Variants in KLHL22 observed in about 807,000 individuals in gnomAD.
KLHL22 encodes the protein kelch like family member 22.
A neutral mutation model predicts 60.7 loss-of-function variants in KLHL22; 18 were observed. The ratio of observed to expected loss-of-function variants is 0.30; its 90% CI spans 0.20 to 0.44. The LOEUF is 0.44. Ranked by LOEUF, KLHL22 falls within the 20% of genes least tolerant of loss-of-function variation. KLHL22 has a pLI of 1.00. For synonymous variants in KLHL22, 355 were observed against 354.5 expected, an observed-to-expected ratio of 1.00 and a Z score of -0.01; for missense variants, 596 against 852.3, an observed-to-expected ratio of 0.70 and a Z score of 3.74.
At chr22:20,483,122 G>T in intron 2 of KLHL22, 1 of 639,424 alleles carries the variant, frequency 1.6e-6, no homozygotes, top group Non-Finnish European at 2.9e-6. Flanking sequence ...GGCATAGAAG[G>T]CCTCCACCTC....
chr22:20,493,278 A>G, intron 1 of KLHL22: 1 of 468,430 alleles, frequency 2.1e-6, no homozygotes, highest in South Asian at 1.6e-5. Flanking sequence ...AAGCACATTT[A>G]CCAAGTCCAA....
At position 20,481,389 on chromosome 22, in the gene KLHL22, T is replaced by A. The variant is rs184175066; in HGVS notation, c.227+7596A>T. 5.9e-5 allele frequency: 9 copies of A among 151,958 alleles called. No homozygotes were observed. In the East Asian group the frequency reaches 1.2e-3, roughly 20 times the overall value. 9.4% of individuals were successfully genotyped at this position (151,958 alleles called of 1,614,324 possible). ...GAGTTCAAGACCAGCCTGGCCGACA[T>A]GGTGAAACCCTGTCTCTTTCAAAAA... On this transcript the variant is annotated intron_variant, in intron 2 of 6. Transcript: ENST00000328879.
rs762199838 is a variant in KLHL22 at position 20,465,543 on chromosome 22, G to A, written c.427C>T (p.Leu143Phe). Residue 143 changes from leucine to phenylalanine, a missense_variant, in exon 4 of 7, where the codon CTC becomes TTC. Physicochemically the swap from Leu to Phe is conservative, Grantham distance 22 (BLOSUM62 0). Transcript: ENST00000328879. This position sits in a 1 kb window ranked among gnomAD's most constrained non-coding sequence, Gnocchi z 4.9. ...TTCTCTTCGTCCACCCAGGACATGA[G>A]GAAATCACAGCAGAAATGGATAATT... Reference protein sequence around the residue: ...PEIIHFCCDFLMSWVDEENIL... With the variant: ...PEIIHFCCDFFMSWVDEENIL... The A allele has an allele frequency of 5.6e-5, 89 of 1,588,382 alleles. No homozygotes were observed. The highest frequency in any genetic ancestry group is 7.5e-5 in the Non-Finnish European group (87 of 1,156,718).
At chr22:20,476,769 C>T (rs1457061733) in intron 2 of KLHL22, among the ~76,000 whole-genome samples, 8 of 147,038 alleles carry the variant, frequency 5.4e-5, no homozygotes, top group East Asian at 2.0e-4. Context: ...AGTGCAATGG[C>T]GCAATCTCGG....
chr22:20,475,050 TG>T (rs2053387800), intron 2 of KLHL22, among the ~76,000 whole-genome samples: 2 of 152,256 alleles, frequency 1.3e-5, no homozygotes, highest in Admixed American at 6.5e-5. Flanking sequence ...TTTTCTTTTC[TG>T]AACAGTTCAG....
At chr22:20,470,529 G>T (rs5994653) in intron 3 of KLHL22, among the ~76,000 whole-genome samples, 7,877 of 152,080 alleles carry the variant, frequency 0.052, 682 homozygotes, top group African/African-American at 0.18. Context: ...ATGCCTATAG[G>T]TCCTAGCTAT....
At chr22:20,485,525 G>A (rs1244736022) in intron 2 of KLHL22, among the ~76,000 whole-genome samples, 2 of 152,196 alleles carry the variant, frequency 1.3e-5, no homozygotes, top group African/African-American at 4.8e-5. Flanking sequence ...CTCCAGAGGA[G>A]GAGGCATCTC....
chr22:20,477,522 C>T (rs1285699567), intron 2 of KLHL22, among the ~76,000 whole-genome samples: 2 of 152,128 alleles, frequency 1.3e-5, no homozygotes, highest in African/African-American at 4.8e-5. Flanking sequence ...GGGAGTGTTG[C>T]TTGAGCCCAG....
At chr22:20,447,594 G>A (rs1044382482) in intron 5 of KLHL22, among the ~76,000 whole-genome samples, 4 of 148,086 alleles carry the variant, frequency 2.7e-5, no homozygotes, top group Non-Finnish European at 5.9e-5. Flanking sequence ...CCAGGCCGGA[G>A]TGCAGTGGCA....
At chr22:20,462,372 AGAGACAGGGTCTCACTCT>A (rs1218332335) in intron 4 of KLHL22, among the ~76,000 whole-genome samples, 13 of 151,716 alleles carry the variant, frequency 8.6e-5, no homozygotes, top group Non-Finnish European at 1.3e-4. Flanking sequence ...AATTTTTTTT[AGAGACAGGGTCTCACTCT>A]GTTGCCCAGG....
At position 20,472,786 on chromosome 22, in the gene KLHL22, T is replaced by C. The variant is rs539284202; in HGVS notation, c.228-1271A>G. ...AAGGAACCCAGCAGGGCATCTGACCTGAGAGTCACTGGTTAGAAGAGGGGT... is the reference window on the plus strand; with the variant it reads ...AAGGAACCCAGCAGGGCATCTGACCCGAGAGTCACTGGTTAGAAGAGGGGT... On this transcript the variant is annotated intron_variant, in intron 2 of 6. Coordinates refer to ENST00000328879, the MANE Select transcript of KLHL22 (RefSeq NM_032775.4). Among the ~76,000 whole-genome samples the C allele has an allele frequency of 2.4e-4, 37 of 152,236 alleles. No homozygotes were observed. The South Asian group carries it at 7.7e-3, about 32-fold the overall frequency.
chr22:20,442,715 T>C (rs1028548383), intron 6 of KLHL22, among the ~76,000 whole-genome samples: 2 of 152,216 alleles, frequency 1.3e-5, no homozygotes, highest in African/African-American at 4.8e-5. Flanking sequence ...CAGCCCTTCC[T>C]CTAGGCCACC....
intron 3 of KLHL22, among the ~76,000 whole-genome samples, chr22:20,467,893 C>T (rs369521793): frequency 3.3e-5 from 5 of 152,210 alleles, no homozygotes; most frequent in Admixed American, 6.5e-5. Context: ...CTCCTGACCT[C>T]GTGATCTGCC....
chr22:20,493,824 A>T (rs2053727085), intron 1 of KLHL22, among the ~76,000 whole-genome samples: 1 of 150,586 alleles, frequency 6.6e-6, no homozygotes, highest in Non-Finnish European at 1.5e-5. Context: ...GCACTTTGGG[A>T]GGCCAACGTG....
intron 3 of KLHL22, among the ~76,000 whole-genome samples, chr22:20,470,786 A>AGATGGATGGATG (rs361774): frequency 0.056 from 7,754 of 137,614 alleles, 281 homozygotes; most frequent in African/African-American, 0.08. Flanking sequence ...ATGGATGGAT[A>AGATGGATGGATG]GATGGATGGA....
At chr22:20,471,989 G>A (rs973996560) in intron 2 of KLHL22, among the ~76,000 whole-genome samples, 2 of 152,220 alleles carry the variant, frequency 1.3e-5, no homozygotes, top group Admixed American at 1.3e-4. Flanking sequence ...ACTCACACCT[G>A]TAATCCCAGC....
intron 3 of KLHL22, among the ~76,000 whole-genome samples, chr22:20,467,819 C>T (rs1474590540): frequency 1.3e-5 from 2 of 152,080 alleles, no homozygotes; most frequent in Non-Finnish European, 2.9e-5. Context: ...CCACCACGCC[C>T]GGCTAATTTT....
chr22:20,454,123 G>T (rs1370609741), intron 5 of KLHL22, among the ~76,000 whole-genome samples: 2 of 152,110 alleles, frequency 1.3e-5, no homozygotes, highest in Non-Finnish European at 2.9e-5. Context: ...GAGACCAGGG[G>T]TTCAAGAACA....
At chr22:20,483,352 A>G (rs1465039907) in intron 2 of KLHL22, 11 of 742,066 alleles carry the variant, frequency 1.5e-5, no homozygotes, top group Non-Finnish European at 2.7e-5. Flanking sequence ...TTGAGCCTGG[A>G]TGTCTGCCAC....
Sources: allele counts gnomAD v4.1 joint callset (sites outside exome capture counted in the v4.1 genomes callset), GRCh38; gene constraint gnomAD v4.1.1; non-coding constraint Gnocchi (gnomAD v3.1); transcripts MANE v1.5; gene names NCBI Gene and HGNC (gene_info 2026-07-23, HGNC 2026-07-21).